Variants in DCDC1 observed in about 807,000 individuals in gnomAD.
DCDC1 encodes the protein doublecortin domain-containing protein 1.
DCDC1 carries 200 observed loss-of-function variants against 178.3 expected under a neutral mutation model. The ratio of observed to expected loss-of-function variants is 1.12; its 90% CI spans 1.00 to 1.26. DCDC1 has a LOEUF of 1.26. Ranked by LOEUF, DCDC1 falls within the 50% of genes most tolerant of loss-of-function variation. The pLI, the probability that DCDC1 is intolerant of heterozygous loss-of-function variation, is 0.00. For synonymous variants in DCDC1, 690 were observed against 604.8 expected (o/e 1.14, Z -2.07); for missense variants, 1,983 against 1,749.2 (o/e 1.13, Z -2.38).
intron 20 of DCDC1, among the ~76,000 whole-genome samples, chr11:31,042,711 G>A (rs957123232): frequency 3.3e-5 from 5 of 152,154 alleles, no homozygotes; most frequent in African/African-American, 1.2e-4. Context: ...GAAAGACACG[G>A]TTGTGGACGT....
At chr11:30,891,908 C>A (rs1943811622) in intron 36 of DCDC1, among the ~76,000 whole-genome samples, 1 of 152,130 alleles carries the variant, frequency 6.6e-6, no homozygotes, top group Non-Finnish European at 1.5e-5. Flanking sequence ...GGGGCAGAAC[C>A]ATCTCAGGTG....
intron 15 of DCDC1, among the ~76,000 whole-genome samples, chr11:31,096,122 T>G (rs535645219): frequency 1.1e-3 from 163 of 152,318 alleles, no homozygotes; most frequent in Admixed American, 2.2e-3. Flanking sequence ...GTGGTAATTA[T>G]TCTGTAATGA....
rs554264668 is a variant in DCDC1, at chr11:30,967,187, C to T, written c.2592-14619G>A. On this transcript the variant is annotated intron_variant, in intron 20 of 38. Transcript: ENST00000684477. ...GGATGGCATTGAATCTGTAAATTAC[C>T]TTGGGCAGTATGGCCATTTTCACGA... is the stretch of plus-strand genomic sequence containing the variant. 3.7e-3 allele frequency among the ~76,000 whole-genome samples: 428 copies of T among 117,102 alleles called. 2 individuals are homozygous for T. Among genetic ancestry groups the T allele is most frequent in the Middle Eastern group, 0.023 (6 of 260 alleles). 76.8% of individuals were successfully genotyped at this position (117,102 alleles called of 152,430 possible). A position where few individuals can be genotyped will look rare whatever the true frequency, so the allele number is the denominator to read the frequency against.
intron 1 of DCDC1, among the ~76,000 whole-genome samples, chr11:31,358,059 A>C (rs1383133934): frequency 2.0e-5 from 3 of 151,604 alleles, no homozygotes; most frequent in African/African-American, 7.3e-5. Flanking sequence ...GCTACCAATG[A>C]CTTTCTTCAC....
intron 28 of DCDC1, 58 bp from the exon 29 acceptor site, chr11:30,909,174 T>C: frequency 1.4e-6 from 2 of 1,430,714 alleles, no homozygotes; most frequent in Non-Finnish European, 1.9e-6. Flanking sequence ...TATAGTGTCT[T>C]GTTTTTCATT....
At chr11:30,977,758 C>T (rs970153327) in intron 20 of DCDC1, among the ~76,000 whole-genome samples, 2 of 151,954 alleles carry the variant, frequency 1.3e-5, no homozygotes, top group Admixed American at 6.6e-5. Context: ...AGTGAAACCC[C>T]ATCTCTACAA....
intron 35 of DCDC1, 54 bp from the exon 36 acceptor site, chr11:30,893,051 T>C (rs992113172): frequency 6.4e-7 from 1 of 1,571,830 alleles, no homozygotes; most frequent in Non-Finnish European, 8.6e-7. Context: ...TGGATAGTGT[T>C]TGTGAAGAAT....
chr11:30,908,818 T>A (rs944288800), intron 29 of DCDC1, 128 bp downstream of exon 29: 22 of 714,090 alleles, frequency 3.1e-5, no homozygotes, highest in Non-Finnish European at 4.2e-5. Flanking sequence ...CTAAGTGATT[T>A]CACTCAAAAA....
intron 17 of DCDC1, among the ~76,000 whole-genome samples, chr11:31,083,099 CA>C (rs1327980124): frequency 5.3e-4 from 80 of 152,274 alleles, no homozygotes; most frequent in Non-Finnish European, 1.8e-4. Context: ...GTCCTTAAAG[CA>C]GCGTGTGTTT....
At chr11:31,229,620 A>G (rs754040788) in intron 9 of DCDC1, among the ~76,000 whole-genome samples, 24 of 152,170 alleles carry the variant, frequency 1.6e-4, no homozygotes, top group Non-Finnish European at 3.2e-4. Flanking sequence ...AGTCCCCAGG[A>G]AACAAAAAGG....
At chr11:31,066,471 G>T (rs1016157514) in intron 18 of DCDC1, among the ~76,000 whole-genome samples, 4 of 152,122 alleles carry the variant, frequency 2.6e-5, no homozygotes, top group Non-Finnish European at 5.9e-5. Context: ...AAAGTGTGGA[G>T]CTAAAATTCT....
intron 20 of DCDC1, among the ~76,000 whole-genome samples, chr11:30,973,987 G>C (rs766583220): frequency 3.3e-5 from 5 of 151,914 alleles, no homozygotes; most frequent in African/African-American, 9.7e-5. Context: ...CATTTGTTAG[G>C]ACACAAAACA....
chr11:30,922,735 C>T, intron 23 of DCDC1, 97 bp from the exon 24 acceptor site: 1 of 1,216,890 alleles, frequency 8.2e-7, no homozygotes, highest in Non-Finnish European at 1.1e-6. Context: ...TCAAAATGTC[C>T]TATTAATATA....
chr11:31,229,125 T>C (rs966693968), intron 9 of DCDC1, among the ~76,000 whole-genome samples: 4 of 152,146 alleles, frequency 2.6e-5, no homozygotes, highest in African/African-American at 9.6e-5. Context: ...AAAACCTACC[T>C]GTAAACAAAA....
rs374424467 is a variant in DCDC1, at chr11:31,187,740, T to TA, written c.1222-49957dup. Among the ~76,000 whole-genome samples the TA allele has an allele frequency of 2.2e-3, 335 of 152,218 alleles. 2 individuals are homozygous for TA. The highest frequency in any genetic ancestry group is 7.3e-3 in the African/African-American group (303 of 41,538). ...AGTTACTAACCTTCACAGAGCTGGT[T>TA]AAAAAAAATCCAACAATATTTGTTT... On this transcript the variant is annotated intron_variant, in intron 9 of 38. Coordinates refer to ENST00000684477, the MANE Select transcript of DCDC1 (RefSeq NM_001387274.1).
At chr11:31,074,708 C>T (rs189028236) in intron 18 of DCDC1, among the ~76,000 whole-genome samples, 2 of 152,158 alleles carry the variant, frequency 1.3e-5, no homozygotes, top group African/African-American at 4.8e-5. Flanking sequence ...CAAATTGGTA[C>T]CCAGAAGTAG....
chr11:30,993,621 C>G (rs959710640), intron 20 of DCDC1, among the ~76,000 whole-genome samples: 1 of 151,886 alleles, frequency 6.6e-6, no homozygotes, highest in African/African-American at 2.4e-5. Flanking sequence ...AAATGAAAAA[C>G]AAGACATCAC....
intron 1 of DCDC1, among the ~76,000 whole-genome samples, chr11:31,363,173 TG>T (rs1440210930): frequency 6.6e-6 from 1 of 152,134 alleles, no homozygotes; most frequent in African/African-American, 2.4e-5. Context: ...TTGAAATATT[TG>T]AAAATATTAA....
intron 7 of DCDC1, among the ~76,000 whole-genome samples, chr11:31,278,427 C>T (rs1946151359): frequency 6.6e-6 from 1 of 152,028 alleles, no homozygotes; most frequent in Admixed American, 6.6e-5. Flanking sequence ...AACACAAATA[C>T]CACATGATTT....
Sources: allele counts gnomAD v4.1 joint callset (sites outside exome capture counted in the v4.1 genomes callset), GRCh38; gene constraint gnomAD v4.1.1; transcripts MANE v1.5; gene names NCBI Gene and HGNC (gene_info 2026-07-23, HGNC 2026-07-21).